The following C12orf42 variants were observed in gnomAD, a reference collection of about 807,000 sequenced individuals.
The protein encoded by C12orf42 is uncharacterized protein C12orf42.
In C12orf42, 25 loss-of-function variants were observed where a neutral mutation model predicts 21.6. That is an observed-to-expected ratio of 1.16 (90% confidence interval 0.84 to 1.62). C12orf42 has a LOEUF of 1.62. Ranked by LOEUF, C12orf42 falls within the 40% of genes most tolerant of loss-of-function variation. The pLI is 0.00. For synonymous variants in C12orf42, 174 were observed against 175.0 expected (o/e 0.99, Z 0.05); for missense variants, 483 against 459.3 (o/e 1.05, Z -0.47).
At chr12:103,306,367 G>A (rs541705540) in intron 4 of C12orf42, 22 bp from the exon 5 acceptor site, 20 of 1,559,612 alleles carry the variant, frequency 1.3e-5, no homozygotes, top group Middle Eastern at 1.7e-4. Context: ...AAATACATTC[G>A]TTTGAAAAAT....
chr12:103,361,239 C>T (rs1004329342), intron 4 of C12orf42, among the ~76,000 whole-genome samples: 11 of 152,068 alleles, frequency 7.2e-5, no homozygotes, highest in Admixed American at 6.5e-4. Context: ...GTATTATCTG[C>T]CCCCGAACAC....
intron 2 of C12orf42, among the ~76,000 whole-genome samples, chr12:103,468,239 A>G (rs1953295604): frequency 6.6e-6 from 1 of 152,196 alleles, no homozygotes; most frequent in Non-Finnish European, 1.5e-5. Flanking sequence ...TCAAATTTTA[A>G]TTAGATGTAA....
At chr12:103,310,484 C>CATTTTGG (rs2038872019) in intron 4 of C12orf42, among the ~76,000 whole-genome samples, 1 of 152,150 alleles carries the variant, frequency 6.6e-6, no homozygotes, top group Non-Finnish European at 1.5e-5. Flanking sequence ...ATGTTGGTAA[C>CATTTTGG]ATTTTGGATT....
At chr12:103,383,509 G>T (rs148574565) in intron 3 of C12orf42, among the ~76,000 whole-genome samples, 118 of 152,298 alleles carry the variant, frequency 7.7e-4, no homozygotes, top group African/African-American at 2.6e-3. Context: ...CTATCATAAA[G>T]AATGGTGCAA....
At chr12:103,135,405 C>T in the C12orf42 span, among the ~76,000 whole-genome samples, 26,316 of 150,356 alleles carry the variant, frequency 0.18, 2,678 homozygotes, top group Admixed American at 0.26. Flanking sequence ...TGCAGTGAGC[C>T]GAAATTGATC....
At chr12:103,168,524 T>C in the C12orf42 span, among the ~76,000 whole-genome samples, 1 of 152,230 alleles carries the variant, frequency 6.6e-6, no homozygotes, top group South Asian at 2.1e-4. Context: ...ACATGAAAAA[T>C]TCAACATGGC....
At chr12:103,294,432 AAGAAAG>A (rs2037036670) in intron 4 of C12orf42, among the ~76,000 whole-genome samples, 1 of 86,224 alleles carries the variant, frequency 1.2e-5, no homozygotes, top group African/African-American at 6.7e-5. Flanking sequence ...GAGAGAGAGA[AAGAAAG>A]AAAGAAAGAA....
At chr12:103,536,216 T>C in the C12orf42 span, among the ~76,000 whole-genome samples, 2 of 152,214 alleles carry the variant, frequency 1.3e-5, no homozygotes, top group African/African-American at 4.8e-5. Context: ...ACCTCAGTTT[T>C]CTAACTTAAG....
At chr12:103,560,694 G>A in the C12orf42 span, among the ~76,000 whole-genome samples, 1 of 152,162 alleles carries the variant, frequency 6.6e-6, no homozygotes, top group Non-Finnish European at 1.5e-5. Context: ...TTGAATACAG[G>A]CCCTGGAGTG....
At chr12:103,472,766 A>G (rs1953730363) in intron 2 of C12orf42, among the ~76,000 whole-genome samples, 1 of 152,236 alleles carries the variant, frequency 6.6e-6, no homozygotes, top group African/African-American at 2.4e-5. Flanking sequence ...AAGGAACAGA[A>G]GAAGCCATGT....
chr12:103,451,776 C>A (rs1951959215), intron 2 of C12orf42, among the ~76,000 whole-genome samples: 1 of 151,998 alleles, frequency 6.6e-6, no homozygotes, highest in Non-Finnish European at 1.5e-5. Context: ...GCATATGTGA[C>A]CCTTATCCAG....
chr12:103,306,473 A>C, intron 4 of C12orf42, 128 bp from the exon 5 acceptor site: 1 of 1,118,598 alleles, frequency 8.9e-7, no homozygotes, highest in Non-Finnish European at 1.2e-6. Context: ...GAGTAAACAA[A>C]AATGACAGAC....
At chr12:103,550,883 A>T in the C12orf42 span, among the ~76,000 whole-genome samples, 1 of 152,018 alleles carries the variant, frequency 6.6e-6, no homozygotes, top group Non-Finnish European at 1.5e-5. Flanking sequence ...CCCTTGTTAT[A>T]TCTGTTGCAA....
intron 2 of C12orf42, among the ~76,000 whole-genome samples, chr12:103,459,098 C>A (rs1952511359): frequency 6.6e-6 from 1 of 152,120 alleles, no homozygotes; most frequent in Non-Finnish European, 1.5e-5. Context: ...AAAATATCTA[C>A]AACTTGAAGG....
At chr12:103,466,588 C>T (rs189159598) in intron 2 of C12orf42, among the ~76,000 whole-genome samples, 94 of 152,230 alleles carry the variant, frequency 6.2e-4, no homozygotes, top group African/African-American at 2.1e-3. Flanking sequence ...TCTCTCTCCT[C>T]TCCATCTTCC....
the C12orf42 span, among the ~76,000 whole-genome samples, chr12:103,102,988 T>C: frequency 1.3e-5 from 2 of 152,160 alleles, no homozygotes; most frequent in Non-Finnish European, 2.9e-5. Context: ...ACAGGTCTTC[T>C]CCATACACAT....
chr12:103,093,318 A>T, the C12orf42 span, among the ~76,000 whole-genome samples: 5,200 of 152,254 alleles, frequency 0.034, 142 homozygotes, highest in African/African-American at 0.072. Context: ...GATGAACTGG[A>T]GAGTACATTC....
At chr12:103,386,504 T>C (rs1399922345) in intron 3 of C12orf42, among the ~76,000 whole-genome samples, 10 of 152,156 alleles carry the variant, frequency 6.6e-5, no homozygotes, top group Non-Finnish European at 1.5e-4. Context: ...ACATCCACCA[T>C]GGGAAAACGA....
chr12:103,536,022 C>G, the C12orf42 span, among the ~76,000 whole-genome samples: 1 of 152,178 alleles, frequency 6.6e-6, no homozygotes, highest in East Asian at 1.9e-4. Context: ...AGCAAGCGGT[C>G]CTCCTGCCTT....
Sources: allele counts gnomAD v4.1 joint callset (sites outside exome capture counted in the v4.1 genomes callset), GRCh38; gene constraint gnomAD v4.1.1; transcripts MANE v1.5; gene names NCBI Gene and HGNC (gene_info 2026-07-23, HGNC 2026-07-21).